Variants in RGS6 observed in about 807,000 individuals in gnomAD.
RGS6 encodes the protein regulator of G-protein signaling 6.
In RGS6, 30 loss-of-function variants were observed where a neutral mutation model predicts 78.5. The ratio of observed to expected loss-of-function variants is 0.38; its 90% CI spans 0.29 to 0.52. RGS6 has a LOEUF of 0.52. RGS6 is among the 20% of genes least tolerant of loss of function. The pLI is 0.85. For missense variants in RGS6, 495 were observed against 609.7 expected (o/e 0.81, Z 1.98); for synonymous variants, 206 against 206.0 (o/e 1.00, Z 0.00).
chr14:72,323,017 A>G (rs1367574586), intron 2 of RGS6, among the ~76,000 whole-genome samples: 3 of 152,164 alleles, frequency 2.0e-5, no homozygotes, highest in African/African-American at 7.2e-5. Flanking sequence ...GCATTAATTA[A>G]CATTATTGCT....
chr14:72,383,968 A>C (rs2087053378), intron 3 of RGS6, among the ~76,000 whole-genome samples: 1 of 152,228 alleles, frequency 6.6e-6, no homozygotes, highest in African/African-American at 2.4e-5. Context: ...TTACTTTTGC[A>C]TTGTAATAAT....
At chr14:72,399,336 C>G (rs1328866589) in intron 3 of RGS6, among the ~76,000 whole-genome samples, 1 of 152,096 alleles carries the variant, frequency 6.6e-6, no homozygotes, top group Non-Finnish European at 1.5e-5. Context: ...TCTGTTTTAT[C>G]TGAGACTAGG....
At chr14:72,546,001 A>G (rs557122746) in intron 17 of RGS6, among the ~76,000 whole-genome samples, 4 of 152,292 alleles carry the variant, frequency 2.6e-5, no homozygotes, top group African/African-American at 9.6e-5. Flanking sequence ...GTGGGGTCCC[A>G]GGGGCCCTAT....
At chr14:72,626,525 A>G in the RGS6 span, among the ~76,000 whole-genome samples, 2 of 152,212 alleles carry the variant, frequency 1.3e-5, no homozygotes, top group South Asian at 4.1e-4. Context: ...ATTCTTTTTT[A>G]CAGCTGTATA....
intron 14 of RGS6, among the ~76,000 whole-genome samples, chr14:72,513,535 C>T (rs1010876153): frequency 5.3e-5 from 8 of 152,188 alleles, no homozygotes; most frequent in Non-Finnish European, 8.8e-5. Flanking sequence ...AGTGGACCCA[C>T]AGACAGCTGT....
chr14:71,960,501 C>A lies in RGS6; in HGVS notation c.-20-4271C>A, dbSNP rs567734743. 1.7e-4 allele frequency among the ~76,000 whole-genome samples: 26 copies of A among 152,304 alleles called. No homozygotes were observed. In the South Asian group the frequency reaches 4.8e-3, roughly 28 times the overall value. ...TTATCAGTTCCATCATTCATTCAAA[C>A]ATATTTAAGTACCTTCTATGTGCCA... On this transcript the variant is annotated intron_variant, in intron 1 of 17. Coordinates refer to ENST00000553525, the MANE Select transcript of RGS6 (RefSeq NM_001204424.2).
At chr14:71,972,725 C>T (rs1456266985) in intron 2 of RGS6, among the ~76,000 whole-genome samples, 1 of 151,942 alleles carries the variant, frequency 6.6e-6, no homozygotes. Flanking sequence ...AACAGGAATC[C>T]AGGTGAGGAA....
chr14:71,961,039 AT>A (rs758337811), intron 1 of RGS6, among the ~76,000 whole-genome samples: 35 of 152,314 alleles, frequency 2.3e-4, no homozygotes, highest in East Asian at 5.8e-4. Flanking sequence ...TGCTCAGTAT[AT>A]TTGCTCAAAG....
At chr14:72,621,173 G>A in the RGS6 span, among the ~76,000 whole-genome samples, 5 of 150,892 alleles carry the variant, frequency 3.3e-5, no homozygotes, top group Admixed American at 3.3e-4. Context: ...CTACATGTTT[G>A]TTTTCTTGAA....
chr14:72,433,953 G>A (rs1038398203), intron 3 of RGS6, among the ~76,000 whole-genome samples: 1 of 152,210 alleles, frequency 6.6e-6, no homozygotes, highest in African/African-American at 2.4e-5. Flanking sequence ...CTGATGTTGT[G>A]TTCCATGATT....
chr14:72,019,888 G>A (rs896960954), intron 2 of RGS6, among the ~76,000 whole-genome samples: 10 of 152,154 alleles, frequency 6.6e-5, no homozygotes, highest in African/African-American at 2.4e-4. Flanking sequence ...AGACAGCCTT[G>A]GGAATATTAG....
At chr14:72,462,300 C>T (rs2095801808) in intron 6 of RGS6, among the ~76,000 whole-genome samples, 1 of 152,112 alleles carries the variant, frequency 6.6e-6, no homozygotes, top group African/African-American at 2.4e-5. Context: ...ACTGAGAAGG[C>T]TGAATAGCTT....
chr14:72,242,231 T>C (rs1489221302), intron 2 of RGS6, among the ~76,000 whole-genome samples: 1 of 152,006 alleles, frequency 6.6e-6, no homozygotes, highest in Non-Finnish European at 1.5e-5. Flanking sequence ...AGGGGGCAAT[T>C]AGGGATTCAG....
chr14:71,894,140 G>A, the RGS6 span, among the ~76,000 whole-genome samples: 3 of 151,994 alleles, frequency 2.0e-5, no homozygotes, highest in Non-Finnish European at 4.4e-5. Context: ...TGTCAGAGGC[G>A]TTCAAACCAG....
intron 2 of RGS6, among the ~76,000 whole-genome samples, chr14:72,195,178 G>A (rs574873632): frequency 2.6e-5 from 4 of 151,982 alleles, no homozygotes; most frequent in Middle Eastern, 3.4e-3. Context: ...ACTGCACTCC[G>A]GCCTGGGCGA....
At chr14:71,986,635 G>C (rs1260956181) in intron 2 of RGS6, among the ~76,000 whole-genome samples, 1 of 152,108 alleles carries the variant, frequency 6.6e-6, no homozygotes, top group Non-Finnish European at 1.5e-5. Context: ...ACCTGAGCCT[G>C]GGGAGCTCAA....
chr14:72,473,392 C>A (rs142014560), intron 9 of RGS6, among the ~76,000 whole-genome samples: 1 of 152,086 alleles, frequency 6.6e-6, no homozygotes, highest in Non-Finnish European at 1.5e-5. Context: ...TGCAGTGAGC[C>A]GAGAGCGCAC....
At chr14:72,031,656 T>C (rs2090914794) in intron 2 of RGS6, among the ~76,000 whole-genome samples, 1 of 152,182 alleles carries the variant, frequency 6.6e-6, no homozygotes, top group Admixed American at 6.6e-5. Flanking sequence ...TAGGAAAATA[T>C]GGTAATCCTT....
At chr14:71,899,128 T>A in the RGS6 span, among the ~76,000 whole-genome samples, 117 of 152,264 alleles carry the variant, frequency 7.7e-4, no homozygotes, top group African/African-American at 2.7e-3. Context: ...CTGATTTTTT[T>A]AAAAGTGATC....
Sources: allele counts gnomAD v4.1 joint callset (sites outside exome capture counted in the v4.1 genomes callset), GRCh38; gene constraint gnomAD v4.1.1; transcripts MANE v1.5; gene names NCBI Gene and HGNC (gene_info 2026-07-23, HGNC 2026-07-21).